Variants in TRIM9 observed in about 807,000 individuals in gnomAD.
TRIM9 encodes the protein tripartite motif containing 9, also known as E3 ubiquitin-protein ligase TRIM9.
TRIM9 carries 26 observed loss-of-function variants against 78.3 expected under a neutral mutation model. That is an observed-to-expected ratio of 0.33 (90% CI 0.24 to 0.46). TRIM9 has a LOEUF of 0.46. Ranked by LOEUF, TRIM9 falls within the 20% of genes least tolerant of loss-of-function variation. The pLI is 1.00. For synonymous variants in TRIM9, 398 were observed against 416.5 expected, an observed-to-expected ratio of 0.96 and a Z score of 0.54; for missense variants, 787 against 1,036.4, an observed-to-expected ratio of 0.76 and a Z score of 3.30.
rs1278957375 is a variant in TRIM9, at chr14:50,975,565, G to A, written c.*1726C>T. On this transcript the variant is annotated 3_prime_UTR_variant, in exon 13 of 13. Coordinates refer to ENST00000684578, the MANE Select transcript of TRIM9 (RefSeq NM_001387360.1). ...GGATAGCACCCATTCCATAAATTAG[G>A]TACACTTAACTAGAAAAAGATTGTA... is the stretch of plus-strand genomic sequence containing the variant. 2 of 152,446 alleles carry A rather than the reference G, an allele frequency of 1.3e-5. No individual in the cohort carries two copies. Among genetic ancestry groups the A allele is most frequent in the African/African-American group, 4.8e-5 (2 of 41,384 alleles). 9.4% of individuals were successfully genotyped at this position (152,446 alleles called of 1,614,324 possible).
intron 1 of TRIM9, among the ~76,000 whole-genome samples, chr14:51,027,279 G>A (rs1032602324): frequency 1.1e-4 from 16 of 151,670 alleles, no homozygotes. Context: ...GAATAGCTGG[G>A]ATTACAGCCG....
intron 1 of TRIM9, among the ~76,000 whole-genome samples, chr14:51,026,996 A>T (rs1446107266): frequency 1.3e-5 from 2 of 152,156 alleles, no homozygotes; most frequent in African/African-American, 4.8e-5. Flanking sequence ...GTTTTACCTC[A>T]TCCATAAAAT....
chr14:51,090,010 A>G (rs2064156919), intron 1 of TRIM9: 1 of 152,250 alleles, frequency 6.6e-6, no homozygotes, highest in Non-Finnish European at 1.5e-5. Flanking sequence ...ACAGGTGATG[A>G]TACTTGCAAA....
At chr14:51,080,387 T>C (rs2063186390) in intron 1 of TRIM9, among the ~76,000 whole-genome samples, 3 of 142,748 alleles carry the variant, frequency 2.1e-5, no homozygotes, top group East Asian at 3.9e-4. Context: ...TCTGAGGGCA[T>C]GGAAGAGTCC....
chr14:51,090,169 C>T (rs1192709754), intron 1 of TRIM9: 1 of 152,104 alleles, frequency 6.6e-6, no homozygotes, highest in African/African-American at 2.4e-5. Context: ...ACATGGCACA[C>T]AGAATGTTCT....
At chr14:51,036,287 A>G (rs1227538488) in intron 1 of TRIM9, among the ~76,000 whole-genome samples, 1 of 152,232 alleles carries the variant, frequency 6.6e-6, no homozygotes, top group Non-Finnish European at 1.5e-5. Flanking sequence ...AAACACTACA[A>G]ATAAGAATTT....
At chr14:51,051,458 T>C (rs2060416950) in intron 1 of TRIM9, among the ~76,000 whole-genome samples, 1 of 152,154 alleles carries the variant, frequency 6.6e-6, no homozygotes, top group Non-Finnish European at 1.5e-5. Context: ...AAGAGGAATT[T>C]GGGACAGGTC....
chr14:51,059,713 G>T (rs760590041), intron 1 of TRIM9, among the ~76,000 whole-genome samples: 8 of 151,162 alleles, frequency 5.3e-5, no homozygotes, highest in Admixed American at 4.0e-4. Flanking sequence ...CAGGAGAATC[G>T]CTTGAACCTG....
At chr14:51,028,803 A>G (rs12434983) in intron 1 of TRIM9, among the ~76,000 whole-genome samples, 59,791 of 151,920 alleles carry the variant, frequency 0.39, 12,286 homozygotes, top group African/African-American at 0.5. Context: ...GGCTGGGAGC[A>G]TGCTGAGAAT....
At chr14:51,023,174 A>C (rs1381183974) in intron 2 of TRIM9, among the ~76,000 whole-genome samples, 1 of 152,226 alleles carries the variant, frequency 6.6e-6, no homozygotes, top group Non-Finnish European at 1.5e-5. Flanking sequence ...TATCACTTAA[A>C]TTTATCAAAA....
intron 1 of TRIM9, among the ~76,000 whole-genome samples, chr14:51,044,115 A>T (rs2059767016): frequency 6.6e-6 from 1 of 152,172 alleles, no homozygotes; most frequent in Admixed American, 6.5e-5. Flanking sequence ...AATTTGCACA[A>T]GTACTAGACT....
At chr14:51,035,964 T>C (rs1392585679) in intron 1 of TRIM9, among the ~76,000 whole-genome samples, 2 of 152,214 alleles carry the variant, frequency 1.3e-5, no homozygotes, top group Non-Finnish European at 2.9e-5. Flanking sequence ...AGCCTGTATC[T>C]TTGCCACTGT....
At chr14:50,981,751 T>C in intron 11 of TRIM9, 49 bp downstream of exon 11, 2 of 1,607,852 alleles carry the variant, frequency 1.2e-6, no homozygotes, top group Non-Finnish European at 8.5e-7. Flanking sequence ...CTCTCACTCC[T>C]GATCAGAAGC....
At chr14:51,045,041 G>A (rs8018083) in intron 1 of TRIM9, among the ~76,000 whole-genome samples, 29,829 of 145,810 alleles carry the variant, frequency 0.2, 3,299 homozygotes, top group Non-Finnish European at 0.26. Context: ...TCTGTTGATT[G>A]TCATGTGAAA....
intron 1 of TRIM9, among the ~76,000 whole-genome samples, chr14:51,084,261 T>C (rs2063563857): frequency 6.6e-6 from 1 of 152,212 alleles, no homozygotes; most frequent in Non-Finnish European, 1.5e-5. Flanking sequence ...AACCATTGTT[T>C]ATCGAGCTTG....
At chr14:50,995,920 G>A (rs1165486879) in intron 7 of TRIM9, 7 of 196,532 alleles carry the variant, frequency 3.6e-5, no homozygotes, top group Non-Finnish European at 6.4e-5. Flanking sequence ...ATAATTATTT[G>A]ATCCTATAGG....
Position 51,094,309 on chromosome 14 carries a change from G to C in TRIM9, c.631C>G (p.Pro211Ala). ...CGGCTCACACGACCCTGGGCCGGGG[G>C]CACCAGGCGGTGCTTGGCTAGGGGC... ...RGPLAKHRLV[P>A]PAQGRVSRRL... The change falls in exon 1 of 13, where the codon CCC (proline) becomes GCC (alanine). Residue 211 changes from proline to alanine, a missense_variant. Physicochemically the swap from Pro to Ala is conservative, Grantham distance 27 (BLOSUM62 -1). This residue lies in a region of TRIM9 where 352 missense variants were observed against 472.3 expected (regional missense o/e 0.75). Coordinates refer to ENST00000684578, the MANE Select transcript of TRIM9 (RefSeq NM_001387360.1). 1 of 1,613,694 alleles carries C rather than the reference G, an allele frequency of 6.2e-7. No individual in the cohort carries two copies. Among genetic ancestry groups the C allele is most frequent in the Non-Finnish European group, 8.5e-7 (1 of 1,179,842 alleles).
chr14:51,026,303 C>T (rs758077920), intron 1 of TRIM9, among the ~76,000 whole-genome samples: 2 of 152,114 alleles, frequency 1.3e-5, no homozygotes, highest in Non-Finnish European at 2.9e-5. Context: ...GGAAGGAGCT[C>T]GGTTCTGATG....
At chr14:51,071,554 C>T (rs536717716) in intron 1 of TRIM9, among the ~76,000 whole-genome samples, 1 of 152,098 alleles carries the variant, frequency 6.6e-6, no homozygotes, top group South Asian at 2.1e-4. Context: ...AATCCCACCA[C>T]TTTGGGAGGC....
Sources: gnomAD v4.1 joint callset for allele counts (sites outside exome capture counted in the v4.1 genomes callset) on GRCh38, gnomAD v4.1.1 for gene constraint, gnomAD v4.1.1 regional missense constraint, MANE v1.5 for transcripts, NCBI Gene and HGNC (gene_info 2026-07-23, HGNC 2026-07-21) for gene names.